The following MAP2 variants were observed in gnomAD, a reference collection of about 807,000 sequenced individuals.
MAP2 encodes microtubule associated protein 2, also known as microtubule-associated protein 2.
In MAP2, 14 loss-of-function variants were observed where a neutral mutation model predicts 137.6. The observed-to-expected ratio is 0.10, with a 90% CI of 0.07 to 0.16. The LOEUF is 0.16. Among genes scored for constraint, MAP2 ranks in the 10% least tolerant of loss-of-function variants. MAP2 has a pLI of 1.00. For missense variants in MAP2, 2,088 were observed against 2,191.5 expected (o/e 0.95, Z 0.94); for synonymous variants, 786 against 782.3 (o/e 1.00, Z -0.08).
chr2:209,716,526 A>AT (rs1205435591), intron 13 of MAP2, among the ~76,000 whole-genome samples: 1 of 152,044 alleles, frequency 6.6e-6, no homozygotes, highest in Non-Finnish European at 1.5e-5. Context: ...ACATTTTGAG[A>AT]TTTTTTGTGA....
chr2:209,525,404 G>T (rs2063880532), intron 2 of MAP2, among the ~76,000 whole-genome samples: 1 of 152,134 alleles, frequency 6.6e-6, no homozygotes, highest in Non-Finnish European at 1.5e-5. Context: ...AAAGTAAGTT[G>T]TAATGGGAGA....
In MAP2 at chr2:209,541,635, T is replaced by TTG. The variant is rs2067063057; in HGVS notation, c.-172+33996_-172+33997dup. Among the ~76,000 whole-genome samples the TTG allele has an allele frequency of 1.4e-5, 2 of 144,340 alleles. 1 individual carries two copies. The highest frequency in any genetic ancestry group is 5.9e-5 in the African/African-American group (2 of 34,004). 94.7% of individuals were successfully genotyped at this position (144,340 alleles called of 152,430 possible). ...TAGTTTATGTAATATTCTAAATCCTTTGTTGTTATCTTGACAATGTTCATA... is the reference window on the plus strand; with the variant it reads ...TAGTTTATGTAATATTCTAAATCCTTTGTGTTGTTATCTTGACAATGTTCATA... On this transcript the variant is annotated intron_variant, in intron 2 of 15. Transcript: ENST00000682079.
intron 4 of MAP2, among the ~76,000 whole-genome samples, chr2:209,632,014 A>G (rs2093113151): frequency 6.6e-6 from 1 of 152,218 alleles, no homozygotes; most frequent in Non-Finnish European, 1.5e-5. Flanking sequence ...TCCGTGGGCA[A>G]CACGGTTTCT....
intron 2 of MAP2, among the ~76,000 whole-genome samples, chr2:209,508,586 A>C (rs1398117805): frequency 6.8e-4 from 5 of 7,392 alleles, no homozygotes; most frequent in Admixed American, 2.3e-3. Flanking sequence ...TCTCTGTCCC[A>C]CACACACACA....
At chr2:209,490,949 C>T (rs148562025) in intron 1 of MAP2, among the ~76,000 whole-genome samples, 30 of 152,208 alleles carry the variant, frequency 2.0e-4, no homozygotes, top group Middle Eastern at 3.4e-3. Flanking sequence ...ACCAAGCAGA[C>T]CCAATATACA....
rs954327403 is a variant in MAP2, at chr2:209,697,030, T to C, written c.4501T>C (p.Cys1501Arg). ...ATATACTAGACCAACTCATCTCTCC[T>C]GTGTTAAGCGGAAAACCACAGGTGA... ...IKYTRPTHLS[C>R]VKRKTTAAGG... Residue 1501 changes from cysteine (C) to arginine (R), a missense_variant, in exon 10 of 16, where the codon TGT becomes CGT. This residue lies in a region of MAP2 where 591 missense variants were observed against 642.6 expected (regional missense o/e 0.92). Coordinates refer to ENST00000682079, the MANE Select transcript of MAP2 (RefSeq NM_001375505.1). 1 of 1,603,646 alleles carries C rather than the reference T, an allele frequency of 6.2e-7. No homozygotes were observed. The highest frequency in any genetic ancestry group is 1.3e-5 in the African/African-American group (1 of 74,342).
chr2:209,670,479 C>T (rs1382968103), intron 5 of MAP2, among the ~76,000 whole-genome samples: 1 of 151,790 alleles, frequency 6.6e-6, no homozygotes, highest in African/African-American at 2.4e-5. Context: ...TTCTAATTAC[C>T]TTTGACTCCA....
chr2:209,571,291 T>A (rs934240397), intron 2 of MAP2, among the ~76,000 whole-genome samples: 1 of 151,962 alleles, frequency 6.6e-6, no homozygotes, highest in Non-Finnish European at 1.5e-5. Flanking sequence ...TAGAGTGCCC[T>A]CTACCCCATG....
intron 2 of MAP2, among the ~76,000 whole-genome samples, chr2:209,563,515 G>A (rs1407643220): frequency 6.6e-6 from 1 of 152,040 alleles, no homozygotes; most frequent in African/African-American, 2.4e-5. Flanking sequence ...TCTAGTTCAA[G>A]ATTAAGGACA....
At chr2:209,637,808 C>G (rs34455059) in intron 4 of MAP2, among the ~76,000 whole-genome samples, 32,849 of 151,964 alleles carry the variant, frequency 0.22, 5,613 homozygotes, top group African/African-American at 0.46. Context: ...TCTCCTTAAA[C>G]TTTTTGTGAT....
At chr2:209,471,838 G>A (rs1575599693) in intron 1 of MAP2, among the ~76,000 whole-genome samples, 1 of 152,110 alleles carries the variant, frequency 6.6e-6, no homozygotes, top group East Asian at 1.9e-4. Context: ...TGTAAACCTG[G>A]TCTCTATTAG....
At chr2:209,567,004 T>C (rs2073571851) in intron 2 of MAP2, among the ~76,000 whole-genome samples, 1 of 152,196 alleles carries the variant, frequency 6.6e-6, no homozygotes, top group Non-Finnish European at 1.5e-5. Context: ...ATGTCATCTA[T>C]ATGCGTATAA....
intron 1 of MAP2, among the ~76,000 whole-genome samples, chr2:209,495,578 GA>G (rs2059652637): frequency 6.6e-6 from 1 of 152,212 alleles, no homozygotes; most frequent in South Asian, 2.1e-4. Context: ...AACTCCAGCA[GA>G]CCTGCAGAAG....
chr2:209,722,753 G>T (rs2071747837), intron 13 of MAP2, among the ~76,000 whole-genome samples: 1 of 152,172 alleles, frequency 6.6e-6, no homozygotes, highest in Non-Finnish European at 1.5e-5. Context: ...ATCTGCTGTT[G>T]TCTTCAAGAT....
chr2:209,467,171 T>A (rs1293187603), intron 1 of MAP2, among the ~76,000 whole-genome samples: 3 of 152,236 alleles, frequency 2.0e-5, no homozygotes, highest in African/African-American at 7.2e-5. Flanking sequence ...ACCTTTGCTA[T>A]GTCTTTTTTG....
rs781315050 is a variant in MAP2 at position 209,693,239 on chromosome 2, A to G, written c.1069A>G (p.Ser357Gly). Residue 357 changes from serine (S) to glycine (G), a missense_variant, in exon 8 of 16, where the codon AGT (serine) becomes GGT (glycine). This residue lies in a region of MAP2 where 859 missense variants were observed against 794.5 expected (regional missense o/e 1.08). Transcript: ENST00000682079. Reference protein sequence around the residue: ...PDDKKSLQQTSGPATAKDSFK... With the variant: ...PDDKKSLQQTGGPATAKDSFK... ...TGACAAAAAATCTCTGCAACAAACC[A>G]GTGGCCCAGCTACTGCCAAAGATAG... The G allele has an allele frequency of 6.2e-7, 1 of 1,614,044 alleles. No individual in the cohort carries two copies. The highest frequency in any genetic ancestry group is 8.5e-7 in the Non-Finnish European group (1 of 1,179,992).
chr2:209,706,712 A>T (rs2063539139), intron 12 of MAP2, among the ~76,000 whole-genome samples: 1 of 152,128 alleles, frequency 6.6e-6, no homozygotes, highest in African/African-American at 2.4e-5. Flanking sequence ...TGTGTCATTT[A>T]AGAACCATTT....
chr2:209,527,169 G>A (rs993571595), intron 2 of MAP2, among the ~76,000 whole-genome samples: 14 of 152,002 alleles, frequency 9.2e-5, no homozygotes, highest in African/African-American at 3.1e-4. Flanking sequence ...GGTGGACATC[G>A]TTCCTGTATC....
chr2:209,672,775 C>T (rs891515027), intron 5 of MAP2, among the ~76,000 whole-genome samples: 2 of 151,864 alleles, frequency 1.3e-5, no homozygotes, highest in African/African-American at 2.4e-5. Flanking sequence ...ACTGTAACAA[C>T]TTGTTATACA....
Sources: gnomAD v4.1 joint callset for allele counts (sites outside exome capture counted in the v4.1 genomes callset) on GRCh38, gnomAD v4.1.1 for gene constraint, gnomAD v4.1.1 regional missense constraint, MANE v1.5 for transcripts, NCBI Gene and HGNC (gene_info 2026-07-23, HGNC 2026-07-21) for gene names.